The following C4orf36 variants were observed in gnomAD, a reference collection of about 807,000 sequenced individuals.
C4orf36 encodes the protein uncharacterized protein C4orf36.
A neutral mutation model predicts 12.2 loss-of-function variants in C4orf36; 11 were observed. The observed-to-expected ratio is 0.90, with a 90% confidence interval of 0.57 to 1.49. C4orf36 has a LOEUF of 1.49. Among genes scored for constraint, C4orf36 ranks in the 40% most tolerant of loss-of-function variants. C4orf36 has a pLI of 0.00. For synonymous variants in C4orf36, 54 were observed against 51.3 expected, an observed-to-expected ratio of 1.05 and a Z score of -0.22; for missense variants, 137 against 133.9, an observed-to-expected ratio of 1.02 and a Z score of -0.11.
chr4:86,919,837 C>T, the C4orf36 span, among the ~76,000 whole-genome samples: 2 of 152,058 alleles, frequency 1.3e-5, no homozygotes, highest in Non-Finnish European at 2.9e-5. Context: ...GAGTTCAAAA[C>T]AAGCCTGGGC....
At chr4:86,894,766 A>G (rs1279947858), upstream of C4orf36, among the ~76,000 whole-genome samples, 2 of 152,172 alleles carry the variant, frequency 1.3e-5, no homozygotes, top group African/African-American at 2.4e-5. Flanking sequence ...CACTCACCCT[A>G]GGAGAGACTG....
chr4:86,883,438 CAATAT>C (rs1337497467), intron 4 of C4orf36, among the ~76,000 whole-genome samples: 6 of 152,074 alleles, frequency 3.9e-5, no homozygotes, highest in Non-Finnish European at 8.8e-5. Context: ...AGAATCAGCC[CAATAT>C]AATATATCTT....
intron 4 of C4orf36, 111 bp downstream of exon 4, chr4:86,887,647 C>A: frequency 7.8e-7 from 1 of 1,276,518 alleles, no homozygotes; most frequent in Non-Finnish European, 1.1e-6. Flanking sequence ...AGTGGCCCAT[C>A]CACCAGTGGG....
the C4orf36 span, among the ~76,000 whole-genome samples, chr4:86,919,119 G>GGAGAGAGA: frequency 7.2e-4 from 104 of 145,354 alleles, no homozygotes; most frequent in African/African-American, 2.1e-3. Context: ...CCCAGCTCCA[G>GGAGAGAGA]GAGAGAGAGA....
Position 86,881,553 on chromosome 4 carries a change from C to T in C4orf36, c.*3-5110G>A, listed in dbSNP as rs749056704. 5.9e-4 allele frequency among the ~76,000 whole-genome samples: 90 copies of T among 152,074 alleles called. 1 individual carries two copies. Among genetic ancestry groups the T allele is most frequent in the East Asian group, 7.8e-4 (4 of 5,154 alleles). On this transcript the variant is annotated intron_variant, in intron 4 of 4. Coordinates refer to ENST00000295898, the MANE Select transcript of C4orf36 (RefSeq NM_144645.4). ...GAAGCGAGTAATGATCATGCTACTA[C>T]GCCCCAGCCTGGGCAACAGAGCCAG... is the stretch of plus-strand genomic sequence containing the variant.
At chr4:86,930,925 T>G in the C4orf36 span, among the ~76,000 whole-genome samples, 1 of 152,234 alleles carries the variant, frequency 6.6e-6, no homozygotes, top group African/African-American at 2.4e-5. Flanking sequence ...GCCTCCCAGA[T>G]AGAGACAGAT....
At chr4:86,905,555 G>A in the C4orf36 span, among the ~76,000 whole-genome samples, 2 of 152,028 alleles carry the variant, frequency 1.3e-5, no homozygotes, top group Non-Finnish European at 2.9e-5. Flanking sequence ...CCTGTCTCAA[G>A]GAAGAAAAGA....
At chr4:86,881,881 T>C (rs1442506952) in intron 4 of C4orf36, among the ~76,000 whole-genome samples, 1 of 152,168 alleles carries the variant, frequency 6.6e-6, no homozygotes, top group African/African-American at 2.4e-5. Context: ...TTTCACCATG[T>C]TGGCCAGGCT....
At chr4:86,913,020 A>C in the C4orf36 span, among the ~76,000 whole-genome samples, 1 of 151,996 alleles carries the variant, frequency 6.6e-6, no homozygotes, top group Non-Finnish European at 1.5e-5. Flanking sequence ...TTCCATAATA[A>C]ACTGCTTAAA....
the C4orf36 span, among the ~76,000 whole-genome samples, chr4:86,901,531 C>T: frequency 2.0e-5 from 3 of 152,018 alleles, no homozygotes; most frequent in African/African-American, 7.2e-5. Context: ...CCTCAGCCTC[C>T]CAAGTAGCTG....
chr4:86,898,763 C>T, the C4orf36 span, among the ~76,000 whole-genome samples: 6 of 151,674 alleles, frequency 4.0e-5, no homozygotes, highest in Admixed American at 1.3e-4. Flanking sequence ...GCTCTATGAT[C>T]GCACCTGTGA....
chr4:86,877,644 C>A (rs976698949), intron 4 of C4orf36, among the ~76,000 whole-genome samples: 1 of 152,152 alleles, frequency 6.6e-6, no homozygotes, highest in Non-Finnish European at 1.5e-5. Flanking sequence ...CATCAAAACT[C>A]CTGACACAAA....
At chr4:86,915,778 A>G in the C4orf36 span, among the ~76,000 whole-genome samples, 1 of 152,086 alleles carries the variant, frequency 6.6e-6, no homozygotes, top group Non-Finnish European at 1.5e-5. Flanking sequence ...CAAGACTGAA[A>G]CTCCGTCTCA....
the C4orf36 span, among the ~76,000 whole-genome samples, chr4:86,904,252 G>A: frequency 6.6e-6 from 1 of 152,186 alleles, no homozygotes. Context: ...GCCGGCTAGC[G>A]AGCGCCTTGC....
the C4orf36 span, among the ~76,000 whole-genome samples, chr4:86,898,538 TTAAA>T: frequency 2.0e-5 from 3 of 152,168 alleles, no homozygotes; most frequent in South Asian, 4.2e-4. Flanking sequence ...CTCTATTTTT[TTAAA>T]TAAATAATTA....
intron 4 of C4orf36, among the ~76,000 whole-genome samples, chr4:86,886,202 T>C (rs1457299075): frequency 6.6e-6 from 1 of 152,226 alleles, no homozygotes; most frequent in Non-Finnish European, 1.5e-5. Context: ...ATCAGGATGA[T>C]GCTGGCCTCA....
the C4orf36 span, among the ~76,000 whole-genome samples, chr4:86,927,389 T>C: frequency 6.6e-6 from 1 of 152,218 alleles, no homozygotes. Context: ...TAGAGCATTC[T>C]AGCTAAAGGG....
chr4:86,876,736 G>C (rs1214498021), intron 4 of C4orf36: 2 of 1,530,506 alleles, frequency 1.3e-6, no homozygotes, highest in Non-Finnish European at 1.8e-6. Context: ...AAAGTTCTCT[G>C]GCTGTTGCAT....
chr4:86,892,377 G>A lies in C4orf36; in HGVS notation c.-268C>T. 9 of 985,450 alleles carry A rather than the reference G, an allele frequency of 9.1e-6. No homozygotes were observed. Among genetic ancestry groups the A allele is most frequent in the Non-Finnish European group, 1.1e-5 (9 of 829,946 alleles). The allele number at this position is 985,450 out of a possible 1,614,324, so 61.0% of individuals were successfully genotyped here. ...GGCCGCGCACACGCCTCGGGGCCGC[G>A]CCGCAGGCACACGCCTCCTTCCCGC... On this transcript the variant is annotated 5_prime_UTR_variant, in exon 1 of 5. Transcript: ENST00000295898.
Sources: gnomAD v4.1 joint callset for allele counts (sites outside exome capture counted in the v4.1 genomes callset) on GRCh38, gnomAD v4.1.1 for gene constraint, MANE v1.5 for transcripts, NCBI Gene and HGNC (gene_info 2026-07-23, HGNC 2026-07-21) for gene names.